TEP1: variants seen among roughly 807,000 people sequenced by gnomAD.
The protein encoded by TEP1 is telomerase associated protein 1.
Under a neutral mutation model 306.3 loss-of-function variants are expected in TEP1, and 241 were observed. That is an observed-to-expected ratio of 0.79 (90% CI 0.71 to 0.88). The LOEUF is 0.88. Ranked by LOEUF, TEP1 falls within the 40% of genes least tolerant of loss-of-function variation. TEP1 has a pLI of 0.00. For synonymous variants in TEP1, 1,289 were observed against 1,305.5 expected (o/e 0.99, Z 0.27); for missense variants, 3,051 against 3,276.1 (o/e 0.93, Z 1.68).
At chr14:20,385,835 C>A (rs1479401388) in intron 20 of TEP1, among the ~76,000 whole-genome samples, 1 of 152,214 alleles carries the variant, frequency 6.6e-6, no homozygotes, top group East Asian at 1.9e-4. Flanking sequence ...TATCTGATGG[C>A]AACACCTAAG....
At chr14:20,411,682 GAA>G (rs60285926) in intron 1 of TEP1, among the ~76,000 whole-genome samples, 1 of 147,354 alleles carries the variant, frequency 6.8e-6, no homozygotes, top group Non-Finnish European at 1.5e-5. Flanking sequence ...CTTTTTCACA[GAA>G]AAAAAAAAAG....
rs1463534447 is a variant in TEP1 at position 20,404,714 on chromosome 14, G to A, written c.929C>T (p.Ala310Val). 1 of 1,614,004 alleles carries A rather than the reference G, an allele frequency of 6.2e-7. No homozygotes were observed. The highest frequency in any genetic ancestry group is 1.3e-5 in the African/African-American group (1 of 74,934). ...NVRNVANNILAIAAFLPACRP... is the reference protein window; with the variant it reads ...NVRNVANNILVIAAFLPACRP... ...ACACGCCGGCAAGAAAGCAGCAATG[G>A]CCAAGATGTTATTGGCCACATTCCG... The change falls in exon 5 of 55, where the codon GCC becomes GTC. Residue 310 changes from alanine to valine, a missense_variant. Transcript: ENST00000262715.
intron 20 of TEP1, 28 bp downstream of exon 20, chr14:20,386,047 A>T (rs1457112573): frequency 6.4e-7 from 1 of 1,569,476 alleles, no homozygotes; most frequent in Non-Finnish European, 8.6e-7. Context: ...CTTCCTCCCC[A>T]GCCCTCCTCC....
At chr14:20,409,602 C>T (rs1272382672) in intron 1 of TEP1, among the ~76,000 whole-genome samples, 1 of 152,196 alleles carries the variant, frequency 6.6e-6, no homozygotes, top group Non-Finnish European at 1.5e-5. Flanking sequence ...CTTCCTTTGC[C>T]CCCTTTGCCC....
intron 43 of TEP1, among the ~76,000 whole-genome samples, chr14:20,374,787 T>G (rs1389684384): frequency 4.6e-5 from 7 of 152,008 alleles, no homozygotes; most frequent in Admixed American, 4.6e-4. Flanking sequence ...TGGGGCTGAG[T>G]GCGTCTACAT....
chr14:20,376,676 T>C (rs1441499579), intron 41 of TEP1, among the ~76,000 whole-genome samples: 1 of 152,134 alleles, frequency 6.6e-6, no homozygotes, highest in Non-Finnish European at 1.5e-5. Flanking sequence ...TCTCTCTCTC[T>C]CCTTCTAAGG....
intron 15 of TEP1, among the ~76,000 whole-genome samples, chr14:20,390,111 T>C (rs1249519561): frequency 2.0e-5 from 3 of 152,174 alleles, no homozygotes; most frequent in African/African-American, 7.2e-5. Flanking sequence ...ACACCAGTAC[T>C]CCCAGCTACT....
chr14:20,392,542 T>A (rs906675238), intron 12 of TEP1, among the ~76,000 whole-genome samples: 1 of 152,202 alleles, frequency 6.6e-6, no homozygotes. Context: ...ATCCAGAATA[T>A]GGGATATTCT....
chr14:20,404,640 C>A lies in TEP1; in HGVS notation c.1003G>T (p.Asp335Tyr). The A allele has an allele frequency of 1.2e-6, 2 of 1,613,868 alleles. No individual in the cohort carries two copies. Among genetic ancestry groups the A allele is most frequent in the South Asian group, 2.2e-5 (2 of 91,024 alleles). The change falls in exon 5 of 55, where the codon GAC becomes TAC. Residue 335 changes from aspartate to tyrosine, a missense_variant. This residue lies in a region of TEP1 where 1,507 missense variants were observed against 1,550.5 expected (regional missense o/e 0.97). Transcript: ENST00000262715. ...TAAAGCTCAGCCACCTGGATCCAGT[C>A]AGAAGGCAGCTGGACAATGGCACAG... ...YFCAIVQLPS[D>Y]WIQVAELYQS...
At chr14:20,383,427 G>C in intron 26 of TEP1, 61 bp downstream of exon 26, 1 of 1,611,282 alleles carries the variant, frequency 6.2e-7, no homozygotes, top group Non-Finnish European at 8.5e-7. Flanking sequence ...TCTCTCCTCC[G>C]TGCCGTATCC....
intron 1 of TEP1, among the ~76,000 whole-genome samples, chr14:20,410,799 GTGGTTTTTTT>G (rs1245342331): frequency 5.2e-5 from 6 of 115,442 alleles, no homozygotes; most frequent in Admixed American, 3.0e-4. Flanking sequence ...TTTCTCCTTT[GTGGTTTTTTT>G]TTTTTTTTTT....
At chr14:20,403,698 G>C in intron 6 of TEP1, 25 bp downstream of exon 6, 1 of 1,612,834 alleles carries the variant, frequency 6.2e-7, no homozygotes, top group Non-Finnish European at 8.5e-7. Context: ...AGGGGCGTGG[G>C]TCGAGGGCTG....
At chr14:20,368,625 A>G in intron 54 of TEP1, 66 bp from the exon 55 acceptor site, 2 of 1,597,820 alleles carry the variant, frequency 1.3e-6, no homozygotes, top group South Asian at 2.2e-5. Flanking sequence ...ATTTTTTCTC[A>G]CATTAATGCC....
chr14:20,389,412 G>T, intron 16 of TEP1, 115 bp from the exon 17 acceptor site: 2 of 1,435,684 alleles, frequency 1.4e-6, no homozygotes, highest in Non-Finnish European at 2.0e-6. Flanking sequence ...AGGGTTATGT[G>T]GTAGGCTAGG....
rs775330962 is a variant in TEP1, at chr14:20,369,501, G to C, written c.7499C>G (p.Thr2500Ser). 28 of 1,614,108 alleles carry C rather than the reference G, an allele frequency of 1.7e-5. No homozygotes were observed. The East Asian group carries it at 6.0e-4, about 35-fold the overall frequency. The change falls in exon 53 of 55, where the codon ACC becomes AGC. Residue 2500 changes from threonine (T) to serine (S), a missense_variant. Thr to Ser is a moderately conservative substitution (Grantham distance 58). Coordinates refer to ENST00000262715, the MANE Select transcript of TEP1 (RefSeq NM_007110.5). Reference sequence around the variant, plus strand: ...TTTTTTCTGCCACATGTTACCTGTGGTCCATTCTCCTTCTGGGCTGCATTT... The same window carrying C: ...TTTTTTCTGCCACATGTTACCTGTGCTCCATTCTCCTTCTGGGCTGCATTT... ...LAKCSPEGEW[T>S]TGNMWQKKAN...
Position 20,404,612 on chromosome 14 carries a change from T to C in TEP1, c.1031A>G (p.Gln344Arg). 6.2e-7 allele frequency: 1 copy of C among 1,612,074 alleles called. No homozygotes were observed. The highest frequency in any genetic ancestry group is 1.1e-5 in the South Asian group (1 of 90,770). ...AGCTCAGGGAAATGAGCACCATACC[T>C]GGTAAAGCTCAGCCACCTGGATCCA... ...SDWIQVAELYQSLAEGDKNKL... is the reference protein window; with the variant it reads ...SDWIQVAELYRSLAEGDKNKL... Residue 344 changes from glutamine to arginine, a missense_variant and splice_region_variant, in exon 5 of 55, where the codon CAG (glutamine) becomes CGG (arginine). By Grantham distance (43) the Gln-to-Arg change is conservative. Coordinates refer to ENST00000262715, the MANE Select transcript of TEP1 (RefSeq NM_007110.5).
In TEP1 at chr14:20,403,419, A is replaced by C; in HGVS notation, c.1224T>G (p.Cys408Trp). Reference sequence around the variant, plus strand: ...TGAGAAACCCTATGTACCTTGGAAAACATCTGTGAGAAAATGGAGGCTCCA... The same window carrying C: ...TGAGAAACCCTATGTACCTTGGAAACCATCTGTGAGAAAATGGAGGCTCCA... ...PGMEPPFSHR[C>W]FPRYIGFLRE... Residue 408 changes from cysteine (C) to tryptophan (W), a missense_variant, in exon 7 of 55, where the codon TGT (cysteine) becomes TGG (tryptophan). By Grantham distance (215) the Cys-to-Trp change is radical. Coordinates refer to ENST00000262715, the MANE Select transcript of TEP1 (RefSeq NM_007110.5). The C allele has an allele frequency of 6.2e-7, 1 of 1,614,186 alleles. No individual in the cohort carries two copies. Among genetic ancestry groups the C allele is most frequent in the African/African-American group, 1.3e-5 (1 of 75,032 alleles).
chr14:20,403,690 G>A (rs1355199024), intron 6 of TEP1, 33 bp downstream of exon 6: 1 of 1,612,468 alleles, frequency 6.2e-7, no homozygotes, highest in East Asian at 2.2e-5. Flanking sequence ...TGGAGAAAAG[G>A]GGCGTGGGTC....
chr14:20,395,944 C>T lies in TEP1; in HGVS notation c.1665G>A (p.Ser555=). The T allele has an allele frequency of 4.3e-6, 7 of 1,613,872 alleles. No homozygotes were observed. The highest frequency in any genetic ancestry group is 1.1e-5 in the South Asian group (1 of 91,058). The change falls in exon 11 of 55, where the codon TCG becomes TCA. Residue 555 remains serine, a synonymous_variant. Coordinates refer to ENST00000262715, the MANE Select transcript of TEP1 (RefSeq NM_007110.5). ...ATGGAAACTGCCGACTGTGGATCAC[C>T]GACTTCTAGAAAGCAAAGGAGGGAG... ...LILQRLQHAK[S]VIHSRQFPFR... is the part of the protein sequence containing the mutation.
Sources: gnomAD v4.1 joint callset for allele counts (sites outside exome capture counted in the v4.1 genomes callset) on GRCh38, gnomAD v4.1.1 for gene constraint, gnomAD v4.1.1 regional missense constraint, MANE v1.5 for transcripts, NCBI Gene and HGNC (gene_info 2026-07-23, HGNC 2026-07-21) for gene names.